LAMB1: variants seen among roughly 807,000 people sequenced by gnomAD.
LAMB1 encodes the protein laminin subunit beta-1.
LAMB1 carries 121 observed loss-of-function variants against 222.3 expected under a neutral mutation model. That is an observed-to-expected ratio of 0.54 (90% CI 0.47 to 0.63). The LOEUF (loss-of-function observed/expected upper bound fraction) is 0.63, where lower values mean the gene tolerates loss of function less well. LAMB1 is among the 30% of genes least tolerant of loss of function. LAMB1 has a pLI of 0.00. For synonymous variants in LAMB1, 794 were observed against 807.2 expected (o/e 0.98, Z 0.28); for missense variants, 2,172 against 2,240.8 (o/e 0.97, Z 0.62).
chr7:107,977,914 T>C (rs2033899761), intron 9 of LAMB1, 133 bp downstream of exon 9: 1 of 908,896 alleles, frequency 1.1e-6, no homozygotes, highest in African/African-American at 1.7e-5. Context: ...TCTAGGAGTA[T>C]CAGGGTGAAG....
chr7:107,953,758 T>A lies in LAMB1; in HGVS notation c.2855-4A>T. 1.2e-6 allele frequency: 2 copies of A among 1,613,660 alleles called. No individual in the cohort carries two copies. Among genetic ancestry groups the A allele is most frequent in the Non-Finnish European group, 8.5e-7 (1 of 1,179,560 alleles). On this transcript the variant is annotated splice_polypyrimidine_tract_variant and splice_region_variant and intron_variant, in intron 21 of 33. Transcript: ENST00000222399. ...GCACAGTCGTCACATCTGGAACCTG[T>A]CACCCGATAAAACCAAACACAAGAT...
chr7:107,931,324 A>G (rs1372340130), intron 29 of LAMB1, 32 bp downstream of exon 29: 2 of 1,586,524 alleles, frequency 1.3e-6, no homozygotes, highest in South Asian at 1.1e-5. Flanking sequence ...ACAGAAACAA[A>G]TGTCTAAAAG....
chr7:107,964,445 G>A, intron 14 of LAMB1, 107 bp downstream of exon 14: 1 of 1,335,996 alleles, frequency 7.5e-7, no homozygotes, highest in Non-Finnish European at 1.1e-6. Context: ...TGTGCTCACT[G>A]ACAAAGCTAT....
At position 107,975,558 on chromosome 7, in the gene LAMB1, G is replaced by A. The variant is rs542259061; in HGVS notation, c.1189+131C>T. The A allele has an allele frequency of 9.1e-5, 111 of 1,216,978 alleles. 1 individual carries two copies. The highest frequency in any genetic ancestry group is 8.1e-4 in the African/African-American group (53 of 65,784). 75.4% of individuals were successfully genotyped at this position (1,216,978 alleles called of 1,614,324 possible). A position where few individuals can be genotyped will look rare whatever the true frequency, so the allele number is the denominator to read the frequency against. The stretch of plus-strand genomic sequence containing the variant: ...CTACCAAGTAAATTCCACTCCCAGC[G>A]TCTTCAACTGCAATTACAATAACAA... On this transcript the variant is annotated intron_variant, in intron 10 of 33. Transcript: ENST00000222399.
chr7:107,954,147 C>T (rs1287348687), intron 21 of LAMB1, among the ~76,000 whole-genome samples: 1 of 151,894 alleles, frequency 6.6e-6, no homozygotes, highest in African/African-American at 2.4e-5. Flanking sequence ...TGTAGAAATC[C>T]TAATCCAAGG....
chr7:107,999,764 T>C (rs1584546220), intron 3 of LAMB1: 1 of 39,454 alleles, frequency 2.5e-5, no homozygotes, highest in Non-Finnish European at 4.7e-5. Flanking sequence ...CTCCAGTTGC[T>C]TTTTTTTTTT....
chr7:107,999,322 T>C (rs934617691), intron 3 of LAMB1, among the ~76,000 whole-genome samples: 2 of 152,232 alleles, frequency 1.3e-5, no homozygotes, highest in South Asian at 2.1e-4. Context: ...CAGAGCTTAA[T>C]AGTTCTCTTT....
rs2033806808 is a variant in LAMB1, at chr7:107,974,200, A to G, written c.1482+786T>C. On this transcript the variant is annotated intron_variant, in intron 12 of 33. Coordinates refer to ENST00000222399, the MANE Select transcript of LAMB1 (RefSeq NM_002291.3). ...TCCTCCCTAAATTAGAAAGTATAAC[A>G]ATGTTATTAAAAATACAGATTTTTA... Among the ~76,000 whole-genome samples, 3 of 152,252 alleles carry G rather than the reference A, an allele frequency of 2.0e-5. No homozygotes were observed. In the South Asian group the frequency reaches 6.2e-4, roughly 32 times the overall value.
In LAMB1 at chr7:107,939,990, C is replaced by G; in HGVS notation, c.3760G>C (p.Glu1254Gln). The change falls in exon 25 of 34, where the codon GAG becomes CAG. Residue 1254 changes from glutamate to glutamine, a missense_variant and splice_region_variant. By Grantham distance (29) the Glu-to-Gln change is conservative. Coordinates refer to ENST00000222399, the MANE Select transcript of LAMB1 (RefSeq NM_002291.3). ...TCCTCTGGCTCATTAACTACTTACT[C>G]TGCTTCCTCAAAGAGATTCCCAATG... ...KNIGNLFEEA[E>Q]KLIKDVTEMM... 1 of 1,612,610 alleles carries G rather than the reference C, an allele frequency of 6.2e-7. No individual in the cohort carries two copies. The highest frequency in any genetic ancestry group is 1.7e-5 in the Admixed American group (1 of 59,992).
At chr7:107,987,418 A>C (rs536970401) in intron 5 of LAMB1, among the ~76,000 whole-genome samples, 43 of 152,340 alleles carry the variant, frequency 2.8e-4, no homozygotes, top group African/African-American at 1.0e-3. Flanking sequence ...ACACTTAAAA[A>C]TGGTTAAAAT....
At chr7:107,937,338 T>C in intron 25 of LAMB1, 61 bp from the exon 26 acceptor site, 2 of 1,369,292 alleles carry the variant, frequency 1.5e-6, no homozygotes, top group Non-Finnish European at 2.1e-6. Context: ...CTTTCACGTT[T>C]CATATTTTCT....
chr7:107,935,511 T>C lies in LAMB1; in HGVS notation c.4092A>G (p.Glu1364=). The C allele has an allele frequency of 1.2e-6, 2 of 1,614,030 alleles. No individual in the cohort carries two copies. The highest frequency in any genetic ancestry group is 8.5e-7 in the Non-Finnish European group (1 of 1,179,994). Residue 1364 remains glutamate, a synonymous_variant, in exon 27 of 34, where the codon GAA becomes GAG. Coordinates refer to ENST00000222399, the MANE Select transcript of LAMB1 (RefSeq NM_002291.3). ...DRVEDVMMER[E]SQFKEKQEEQ... The stretch of plus-strand genomic sequence containing the variant: ...CCTCTTGTTTTTCCTTGAACTGGGA[T>C]TCTCGCTCCATCATCACGTCTTCTA...
chr7:107,930,498 A>C (rs2032680368), intron 29 of LAMB1, among the ~76,000 whole-genome samples: 2 of 152,210 alleles, frequency 1.3e-5, no homozygotes, highest in South Asian at 4.1e-4. Context: ...CCTCTAAGTC[A>C]GGTAAAATTA....
At chr7:107,947,395 G>C (rs996509157) in intron 24 of LAMB1, among the ~76,000 whole-genome samples, 2 of 152,138 alleles carry the variant, frequency 1.3e-5, no homozygotes, top group Non-Finnish European at 2.9e-5. Context: ...TACATAACTG[G>C]AGAAAAGAGC....
At position 108,001,641 on chromosome 7, in the gene LAMB1, T is replaced by C. The variant is rs745784200; in HGVS notation, c.130A>G (p.Ile44Val). 1.9e-6 allele frequency: 3 copies of C among 1,612,976 alleles called. No homozygotes were observed. The South Asian group carries it at 3.3e-5, about 18-fold the overall frequency. ...SCYPATGDLL[I>V]GRAQKLSVTS... ...ACCGAAAGCTTCTGTGCTCGGCCGA[T>C]GAGAAGGTCGCCCGTGGCGGGATAG... Residue 44 changes from isoleucine to valine, a missense_variant, in exon 3 of 34, where the codon ATC (isoleucine) becomes GTC (valine). Coordinates refer to ENST00000222399, the MANE Select transcript of LAMB1 (RefSeq NM_002291.3).
chr7:107,931,489 TG>T lies in LAMB1; in HGVS notation c.4403del (p.Ala1468GlufsTer3). ...VEQLSKMVSE[A>X]KLRADEAKQS... ...GTTTTGCCTCATCTGCCCTCAGTTTTGCTTCAGAGACCTAAATATGAAGAAT... is the reference window on the plus strand; with the variant it reads ...GTTTTGCCTCATCTGCCCTCAGTTTTCTTCAGAGACCTAAATATGAAGAAT... On this transcript the variant is annotated frameshift_variant, in exon 29 of 34. Coordinates refer to ENST00000222399, the MANE Select transcript of LAMB1 (RefSeq NM_002291.3). LOFTEE classifies it high-confidence loss of function. 6.2e-7 allele frequency: 1 copy of T among 1,613,444 alleles called. No individual in the cohort carries two copies. Among genetic ancestry groups the T allele is most frequent in the Non-Finnish European group, 8.5e-7 (1 of 1,179,800 alleles).
chr7:107,997,250 C>T (rs1253912123), intron 4 of LAMB1, among the ~76,000 whole-genome samples: 2 of 152,078 alleles, frequency 1.3e-5, no homozygotes, highest in African/African-American at 4.8e-5. Flanking sequence ...CGTGAAACCC[C>T]ACCTCTACTA....
Position 107,933,954 on chromosome 7 carries a change from G to A in LAMB1, c.4188+1461C>T, listed in dbSNP as rs77632945. Among the ~76,000 whole-genome samples the A allele has an allele frequency of 8.6e-3, 1,306 of 152,008 alleles. 22 individuals are homozygous for A. Among genetic ancestry groups the A allele is most frequent in the African/African-American group, 0.03 (1,240 of 41,458 alleles). ...CCTTTAGCATGCTTAGCTGTTTCTT[G>A]TAGGTCACACAGAACTTGTTTGTGA... is the stretch of plus-strand genomic sequence containing the variant. On this transcript the variant is annotated intron_variant, in intron 27 of 33. Coordinates refer to ENST00000222399, the MANE Select transcript of LAMB1 (RefSeq NM_002291.3).
At position 107,961,537 on chromosome 7, in the gene LAMB1, C is replaced by G. The variant is rs74424122; in HGVS notation, c.1985+12G>C. Reference sequence around the variant, plus strand: ...GAAGCCCGTTGAGCTGCCAAACCACCGTCACACTGACCTTGAGCCTGGTGA... The same window carrying G: ...GAAGCCCGTTGAGCTGCCAAACCACGGTCACACTGACCTTGAGCCTGGTGA... On this transcript the variant is annotated intron_variant, in intron 16 of 33. Coordinates refer to ENST00000222399, the MANE Select transcript of LAMB1 (RefSeq NM_002291.3). The G allele has an allele frequency of 5.0e-6, 8 of 1,609,136 alleles. No homozygotes were observed. The highest frequency in any genetic ancestry group is 6.0e-6 in the Non-Finnish European group (7 of 1,176,064).
Sources: allele counts gnomAD v4.1 joint callset (sites outside exome capture counted in the v4.1 genomes callset), GRCh38; gene constraint gnomAD v4.1.1; transcripts MANE v1.5; gene names NCBI Gene and HGNC (gene_info 2026-07-23, HGNC 2026-07-21).